STON2: variants seen among roughly 807,000 people sequenced by gnomAD.
STON2 encodes stonin 2, also known as stonin-2.
Under a neutral mutation model 65.7 loss-of-function variants are expected in STON2, and 29 were observed. That is an observed-to-expected ratio of 0.44 (90% CI 0.33 to 0.60). STON2 has a LOEUF of 0.60. Ranked by LOEUF, STON2 falls within the 20% of genes least tolerant of loss-of-function variation. The pLI is 0.03. For synonymous variants in STON2, 404 were observed against 414.2 expected (o/e 0.98, Z 0.30); for missense variants, 1,054 against 1,118.1 (o/e 0.94, Z 0.82).
chr14:81,321,544 TTAAA>T (rs1465327395), intron 5 of STON2, among the ~76,000 whole-genome samples: 2 of 152,120 alleles, frequency 1.3e-5, no homozygotes, highest in African/African-American at 4.8e-5. Flanking sequence ...AGATGCCTCT[TTAAA>T]TATACAGTTT....
At chr14:81,410,328 G>C (rs541645071) in intron 2 of STON2, among the ~76,000 whole-genome samples, 2 of 143,422 alleles carry the variant, frequency 1.4e-5, no homozygotes, top group Admixed American at 7.0e-5. Flanking sequence ...CAATGTGGTA[G>C]GCAGAATCCT....
At chr14:81,374,062 G>GTC (rs2140374552) in intron 3 of STON2, among the ~76,000 whole-genome samples, 1 of 138,592 alleles carries the variant, frequency 7.2e-6, no homozygotes, top group South Asian at 2.3e-4. Flanking sequence ...CCAGGCTGGA[G>GTC]TGTAGTGGTG....
chr14:81,371,675 CT>C lies in STON2; in HGVS notation c.374-491del, dbSNP rs1957935699. Reference sequence around the variant, plus strand: ...GACAACAGAATGAATGAGACTGAGTCTAAAAAAAAAAAAAAAGAAAAGAAAA... The same window carrying C: ...GACAACAGAATGAATGAGACTGAGTCAAAAAAAAAAAAAAAGAAAAGAAAA... On this transcript the variant is annotated intron_variant, in intron 3 of 7. Transcript: ENST00000614646. Among the ~76,000 whole-genome samples the C allele has an allele frequency of 7.9e-5, 3 of 38,010 alleles. No homozygotes were observed. In the South Asian group the frequency reaches 4.7e-3, roughly 59 times the overall value. 24.9% of individuals were successfully genotyped at this position (38,010 alleles called of 152,430 possible).
chr14:81,317,005 G>A (rs1187765222), intron 5 of STON2, among the ~76,000 whole-genome samples: 1 of 152,162 alleles, frequency 6.6e-6, no homozygotes, highest in Non-Finnish European at 1.5e-5. Flanking sequence ...GGGTGATAGA[G>A]TGAGACTCTG....
chr14:81,425,405 T>A (rs1025735190), intron 2 of STON2, among the ~76,000 whole-genome samples: 1 of 152,010 alleles, frequency 6.6e-6, no homozygotes, highest in African/African-American at 2.4e-5. Flanking sequence ...AAACTCCATC[T>A]CCACTACCAA....
At chr14:81,338,255 A>G (rs974083889) in intron 4 of STON2, among the ~76,000 whole-genome samples, 1 of 152,124 alleles carries the variant, frequency 6.6e-6, no homozygotes, top group Non-Finnish European at 1.5e-5. Flanking sequence ...CTCCTCCCCA[A>G]CCTAGGAAGG....
At chr14:81,391,056 C>A (rs1047094782) in intron 3 of STON2, among the ~76,000 whole-genome samples, 1 of 152,226 alleles carries the variant, frequency 6.6e-6, no homozygotes, top group African/African-American at 2.4e-5. Context: ...CATGTGATTG[C>A]AGTTAAGGCC....
chr14:81,298,424 G>GAA lies in STON2; in HGVS notation c.743-19687_743-19686dup, dbSNP rs33929804. Among the ~76,000 whole-genome samples the GAA allele has an allele frequency of 5.5e-5, 8 of 145,514 alleles. No individual in the cohort carries two copies. In the East Asian group the frequency reaches 8.2e-4, roughly 15 times the overall value. On this transcript the variant is annotated intron_variant, in intron 5 of 7. Transcript: ENST00000614646. The stretch of plus-strand genomic sequence containing the variant: ...CTCAACTGCTTCAGATGGGGGGGGG[G>GAA]AATCACAGAATTTAAAAGCCAAACT...
intron 5 of STON2, among the ~76,000 whole-genome samples, chr14:81,318,988 T>A (rs567184630): frequency 3.9e-5 from 6 of 152,376 alleles, no homozygotes; most frequent in African/African-American, 1.4e-4. Context: ...GCTTGCACAC[T>A]GTGGCTTGTA....
intron 5 of STON2, among the ~76,000 whole-genome samples, chr14:81,306,167 CTATA>C (rs1555397650): frequency 3.0e-5 from 4 of 132,302 alleles, no homozygotes; most frequent in Admixed American, 7.8e-5. Flanking sequence ...CTCTCTCTCT[CTATA>C]TATATATATA....
intron 4 of STON2, among the ~76,000 whole-genome samples, chr14:81,342,770 G>C (rs192341820): frequency 1.2e-4 from 17 of 145,546 alleles, no homozygotes; most frequent in African/African-American, 4.0e-4. Flanking sequence ...GGTCTAGAAG[G>C]GGGGGCATGG....
rs184400741 is a variant in STON2 at position 81,430,876 on chromosome 14, T to C, written c.-309-3664A>G. On this transcript the variant is annotated intron_variant, in intron 1 of 8. Coordinates refer to the STON2 transcript ENST00000553821. ...GGGGATGGCAGCACCTTCTAATGAA[T>C]TGTTCAGCATTTCAAATCCCCCTGG... Among the ~76,000 whole-genome samples the C allele has an allele frequency of 2.5e-3, 374 of 152,338 alleles. 2 individuals carry two copies. Among genetic ancestry groups the C allele is most frequent in the Non-Finnish European group, 4.5e-3 (306 of 68,018 alleles).
intron 5 of STON2, among the ~76,000 whole-genome samples, chr14:81,314,786 A>G (rs1896557779): frequency 6.6e-6 from 1 of 152,220 alleles, no homozygotes; most frequent in African/African-American, 2.4e-5. Context: ...TTTCCTCTGT[A>G]GCTTCCTCAT....
chr14:81,324,735 A>T (rs1896946219), intron 4 of STON2, among the ~76,000 whole-genome samples: 1 of 152,204 alleles, frequency 6.6e-6, no homozygotes, highest in Non-Finnish European at 1.5e-5. Flanking sequence ...AGAAATCAAG[A>T]TTTTAGAAAT....
intron 4 of STON2, among the ~76,000 whole-genome samples, chr14:81,356,193 A>T (rs1319040716): frequency 6.6e-6 from 1 of 152,138 alleles, no homozygotes; most frequent in African/African-American, 2.4e-5. Flanking sequence ...TCAATACCTA[A>T]TTTATTGAGA....
intron 4 of STON2, among the ~76,000 whole-genome samples, chr14:81,341,820 T>C (rs138462175): frequency 5.3e-5 from 8 of 152,332 alleles, no homozygotes; most frequent in African/African-American, 1.9e-4. Context: ...TAATCTAAAT[T>C]ATGCCACAGT....
chr14:81,285,619 T>C (rs1264316247), intron 5 of STON2, among the ~76,000 whole-genome samples: 4 of 152,124 alleles, frequency 2.6e-5, no homozygotes, highest in African/African-American at 9.7e-5. Context: ...GAGTTGCATC[T>C]TATGGATGAG....
intron 5 of STON2, among the ~76,000 whole-genome samples, chr14:81,313,759 C>A (rs1267395747): frequency 6.7e-6 from 1 of 149,154 alleles, no homozygotes; most frequent in Non-Finnish European, 1.5e-5. Context: ...CGTGCCACTG[C>A]GCTCCAGCCT....
upstream of STON2, among the ~76,000 whole-genome samples, chr14:81,400,702 T>C (rs368012096): frequency 2.0e-4 from 31 of 152,078 alleles, no homozygotes; most frequent in African/African-American, 7.0e-4. Context: ...TCAGGTGTTA[T>C]GAGAAAACTG....
Sources: gnomAD v4.1 joint callset for allele counts (sites outside exome capture counted in the v4.1 genomes callset) on GRCh38, gnomAD v4.1.1 for gene constraint, MANE v1.5 for transcripts, NCBI Gene and HGNC (gene_info 2026-07-23, HGNC 2026-07-21) for gene names.